The following CEP128 variants were observed in gnomAD, a reference collection of about 807,000 sequenced individuals.
CEP128 encodes centrosomal protein 128kDa.
A neutral mutation model predicts 156.7 loss-of-function variants in CEP128; 132 were observed. That is an observed-to-expected ratio of 0.84 (90% CI 0.73 to 0.97). The LOEUF (loss-of-function observed/expected upper bound fraction) is 0.97. Among genes scored for constraint, CEP128 ranks in the 50% least tolerant of loss-of-function variants. The probability of loss-of-function intolerance (pLI) is 0.00; values close to 1 mark genes in which losing one functional copy is unlikely to be tolerated. For missense variants in CEP128, 1,252 were observed against 1,281.9 expected, an observed-to-expected ratio of 0.98 and a Z score of 0.36; for synonymous variants, 469 against 448.9, an observed-to-expected ratio of 1.04 and a Z score of -0.57.
intron 2 of CEP128, among the ~76,000 whole-genome samples, chr14:80,952,854 AGAATATTATGAAC>A (rs1886494812): frequency 6.6e-6 from 1 of 152,220 alleles, no homozygotes. Flanking sequence ...AGAGGATAAG[AGAATATTATGAAC>A]AAACTCATGC....
chr14:80,528,773 T>C (rs1306346873), intron 22 of CEP128, among the ~76,000 whole-genome samples: 1 of 152,206 alleles, frequency 6.6e-6, no homozygotes, highest in Non-Finnish European at 1.5e-5. Flanking sequence ...ACATATCTCC[T>C]GAGGCATTAG....
chr14:80,566,903 G>GAA (rs11321503), intron 20 of CEP128, among the ~76,000 whole-genome samples: 1 of 144,868 alleles, frequency 6.9e-6, no homozygotes. Context: ...AGTTGTCAAG[G>GAA]AAAAAAAAAA....
chr14:80,545,779 G>T (rs1036518545), intron 21 of CEP128, among the ~76,000 whole-genome samples: 1 of 152,158 alleles, frequency 6.6e-6, no homozygotes, highest in African/African-American at 2.4e-5. Context: ...CAGGAAAGCA[G>T]AGTAACACCA....
At chr14:80,522,291 C>G (rs112750639) in intron 23 of CEP128, among the ~76,000 whole-genome samples, 113 of 152,094 alleles carry the variant, frequency 7.4e-4, no homozygotes, top group African/African-American at 2.7e-3. Context: ...TTGCTGTGAG[C>G]AAGGTATAAA....
At chr14:80,560,137 TGGA>T (rs1466342327) in intron 20 of CEP128, among the ~76,000 whole-genome samples, 1 of 152,130 alleles carries the variant, frequency 6.6e-6, no homozygotes, top group African/African-American at 2.4e-5. Flanking sequence ...TTTTAAGAAC[TGGA>T]GGAGGTCAGG....
At chr14:80,755,310 T>C (rs1566896027) in intron 18 of CEP128, among the ~76,000 whole-genome samples, 1 of 152,164 alleles carries the variant, frequency 6.6e-6, no homozygotes, top group Non-Finnish European at 1.5e-5. Flanking sequence ...AGTAAATACT[T>C]ATAAACTCCC....
chr14:80,548,608 T>C (rs1890086346), intron 21 of CEP128, among the ~76,000 whole-genome samples: 2 of 152,238 alleles, frequency 1.3e-5, no homozygotes. Flanking sequence ...CTTTACAATA[T>C]ACATTCATAT....
Position 80,927,413 on chromosome 14 carries a change from G to A in CEP128, c.-15-10851C>T, listed in dbSNP as rs1885210753. Among the ~76,000 whole-genome samples, 3 of 152,222 alleles carry A rather than the reference G, an allele frequency of 2.0e-5. No homozygotes were observed. The South Asian group carries it at 6.2e-4, about 31-fold the overall frequency. On this transcript the variant is annotated intron_variant, in intron 2 of 24. Transcript: ENST00000555265. ...AGACACAGCTGGGGCTCCTCCCACAGGAGCATGGCATGGGTGCATCTGTAG... is the reference window on the plus strand; with the variant it reads ...AGACACAGCTGGGGCTCCTCCCACAAGAGCATGGCATGGGTGCATCTGTAG...
chr14:80,773,992 C>A (rs998273252), intron 16 of CEP128, among the ~76,000 whole-genome samples: 2 of 152,112 alleles, frequency 1.3e-5, no homozygotes, highest in Non-Finnish European at 2.9e-5. Flanking sequence ...GCATAACACT[C>A]GTTCTCTTTG....
In CEP128 at chr14:80,836,329, T is replaced by A; in HGVS notation, c.933A>T (p.Glu311Asp). The change falls in exon 12 of 25, where the codon GAA becomes GAT. Residue 311 changes from glutamate (E) to aspartate (D), a missense_variant. Glu to Asp is a conservative substitution (Grantham distance 45). Transcript: ENST00000555265. Reference sequence around the variant, plus strand: ...CTGCTTTCGTAAGTTGTGTACGCAGTTCTTCTACCTAACACATGGTCAAAA... The same window carrying A: ...CTGCTTTCGTAAGTTGTGTACGCAGATCTTCTACCTAACACATGGTCAAAA... ...SRETLLHQVE[E>D]LRTQLTKAEG... 6.2e-7 allele frequency: 1 copy of A among 1,613,924 alleles called. No homozygotes were observed. Among genetic ancestry groups the A allele is most frequent in the Admixed American group, 1.7e-5 (1 of 59,998 alleles).
chr14:80,955,978 A>C, intron 2 of CEP128: 1 of 1,154,240 alleles, frequency 8.7e-7, no homozygotes, highest in Non-Finnish European at 1.3e-6. Context: ...GTGTGAGTGA[A>C]TGTCTGTGTG....
chr14:80,796,550 C>G (rs1475826770), intron 13 of CEP128, among the ~76,000 whole-genome samples: 1 of 152,142 alleles, frequency 6.6e-6, no homozygotes, highest in Non-Finnish European at 1.5e-5. Flanking sequence ...GCTTCCTTAA[C>G]TTTCATAATA....
rs116697585 is a variant in CEP128 at position 80,931,351 on chromosome 14, T to G, written c.-16+8034A>C. On this transcript the variant is annotated intron_variant, in intron 2 of 24. Coordinates refer to ENST00000555265, the MANE Select transcript of CEP128 (RefSeq NM_152446.5). Reference sequence around the variant, plus strand: ...CACTGTGTCATCCATGGAGAAATGCTGGGTAGCTGAACAATGTCACCTGAA... The same window carrying G: ...CACTGTGTCATCCATGGAGAAATGCGGGGTAGCTGAACAATGTCACCTGAA... 9.6e-3 allele frequency among the ~76,000 whole-genome samples: 1,468 copies of G among 152,326 alleles called. 31 individuals are homozygous for G. The highest frequency in any genetic ancestry group is 0.034 in the African/African-American group (1,399 of 41,554).
intron 14 of CEP128, among the ~76,000 whole-genome samples, chr14:80,483,477 C>T (rs1887097149): frequency 1.3e-5 from 2 of 152,178 alleles, no homozygotes; most frequent in African/African-American, 4.8e-5. Context: ...CCATTCATGG[C>T]ACTGAAGGCA....
At chr14:80,526,204 A>G (rs1438692279) in intron 23 of CEP128, among the ~76,000 whole-genome samples, 6 of 152,146 alleles carry the variant, frequency 3.9e-5, no homozygotes, top group Non-Finnish European at 8.8e-5. Flanking sequence ...AACGCATAAG[A>G]CTACCTCTAC....
chr14:80,506,353 A>G (rs1201274962), intron 23 of CEP128, among the ~76,000 whole-genome samples: 2 of 97,436 alleles, frequency 2.1e-5, no homozygotes, highest in African/African-American at 6.4e-5. Context: ...TTTTTTTTTT[A>G]AGTACAATCA....
chr14:80,709,510 AT>A (rs1455247195), intron 19 of CEP128, among the ~76,000 whole-genome samples: 1 of 152,128 alleles, frequency 6.6e-6, no homozygotes, highest in African/African-American at 2.4e-5. Flanking sequence ...ATTTTGCTGG[AT>A]ATTCTTGCCT....
intron 17 of CEP128, among the ~76,000 whole-genome samples, chr14:80,760,591 A>AT (rs1208312308): frequency 1.3e-5 from 2 of 152,126 alleles, no homozygotes; most frequent in Non-Finnish European, 2.9e-5. Context: ...GAATGCCATC[A>AT]TATCACCAAA....
chr14:80,676,193 G>T (rs986504015), intron 19 of CEP128, among the ~76,000 whole-genome samples: 2 of 151,982 alleles, frequency 1.3e-5, no homozygotes, highest in Admixed American at 6.6e-5. Context: ...TAAACACAAG[G>T]TAGATCACCC....
Sources: gnomAD v4.1 joint callset for allele counts (sites outside exome capture counted in the v4.1 genomes callset) on GRCh38, gnomAD v4.1.1 for gene constraint, MANE v1.5 for transcripts, NCBI Gene and HGNC (gene_info 2026-07-23, HGNC 2026-07-21) for gene names.